The following DDX11 variants were observed in gnomAD, a reference collection of about 807,000 sequenced individuals.
DDX11 encodes the protein ATP-dependent DNA helicase DDX11.
Under a neutral mutation model 125.2 loss-of-function variants are expected in DDX11, and 72 were observed. That is an observed-to-expected ratio of 0.58 (90% CI 0.48 to 0.70). The LOEUF (loss-of-function observed/expected upper bound fraction) is 0.70, where lower values mean the gene tolerates loss of function less well. Ranked by LOEUF, DDX11 falls within the 30% of genes least tolerant of loss-of-function variation. The pLI, the probability that DDX11 is intolerant of heterozygous loss-of-function variation, is 0.00. For missense variants in DDX11, 883 were observed against 1,165.0 expected (o/e 0.76, Z 3.52); for synonymous variants, 347 against 452.6 (o/e 0.77, Z 2.96).
intron 2 of DDX11, among the ~76,000 whole-genome samples, chr12:31,081,367 C>T (rs944326420): frequency 1.3e-5 from 2 of 152,222 alleles, no homozygotes; most frequent in African/African-American, 4.8e-5. Flanking sequence ...CCTACCATGC[C>T]CTTCCCCGCC....
rs770950577 is a variant in DDX11 at position 31,091,808 on chromosome 12, CGAG to C, written c.1181_1183del (p.Glu394del). On this transcript the variant is annotated inframe_deletion, in exon 10 of 27. Transcript: ENST00000542838. ...TGCAGGACCAGGTGGTGATCATCGACGAGGCGCACAACCTGATCGACACCATCA... is the reference window on the plus strand; with the variant it reads ...TGCAGGACCAGGTGGTGATCATCGACGCGCACAACCTGATCGACACCATCA... The C allele has an allele frequency of 1.2e-6, 2 of 1,613,844 alleles. No individual in the cohort carries two copies. The highest frequency in any genetic ancestry group is 2.2e-5 in the South Asian group (2 of 91,072).
At position 31,084,567 on chromosome 12, in the gene DDX11, T is replaced by C. The variant is rs777453457; in HGVS notation, c.394-16T>C. ...GGGCTTCCTTGGTGATTTTCCTTCA[T>C]GTCTGCCTCCTGTAGGCGGAGCAGG... On this transcript the variant is annotated splice_polypyrimidine_tract_variant and intron_variant, in intron 3 of 26. Transcript: ENST00000542838. 3.6e-5 allele frequency: 57 copies of C among 1,588,302 alleles called. No individual in the cohort carries two copies. The highest frequency in any genetic ancestry group is 4.8e-5 in the Non-Finnish European group (56 of 1,165,076).
rs117560158 is a variant in DDX11, at chr12:31,084,213, G to A, written c.393+152G>A. ...CTCAGCTCCTTGGGTCTATGGTGCT[G>A]CCGCTGTGCTGTCTTTTTTGAGCTG... On this transcript the variant is annotated intron_variant, in intron 3 of 26. Transcript: ENST00000542838. 10,015 of 1,078,994 alleles carry A rather than the reference G, an allele frequency of 9.3e-3. 89 individuals carry two copies. The highest frequency in any genetic ancestry group is 0.011 in the Non-Finnish European group (7,791 of 720,182). 66.8% of individuals were successfully genotyped at this position (1,078,994 alleles called of 1,614,324 possible). A position where few individuals can be genotyped will look rare whatever the true frequency, so the allele number is the denominator to read the frequency against.
Position 31,089,037 on chromosome 12 carries a change from C to G in DDX11, c.685-7C>G, listed in dbSNP as rs372834009. On this transcript the variant is annotated splice_region_variant and splice_polypyrimidine_tract_variant and intron_variant, in intron 6 of 26. Transcript: ENST00000542838. ...CTCTTTGAAGCGCCTTTCTTTCTCT[C>G]TGCTAGATTTATTACTGTAGTCGGA... 6.2e-6 allele frequency: 10 copies of G among 1,613,190 alleles called. No individual in the cohort carries two copies. Among genetic ancestry groups the G allele is most frequent in the Non-Finnish European group, 8.5e-6 (10 of 1,179,294 alleles).
intron 6 of DDX11, among the ~76,000 whole-genome samples, chr12:31,088,354 T>G (rs1013333298): frequency 6.6e-6 from 1 of 152,068 alleles, no homozygotes; most frequent in African/African-American, 2.4e-5. Flanking sequence ...CCCCAGGGCA[T>G]CGAGGAACAG....
chr12:31,097,146 AGCAGT>A (rs1945396365), intron 17 of DDX11, among the ~76,000 whole-genome samples, 156 bp downstream of exon 17: 1 of 151,736 alleles, frequency 6.6e-6, no homozygotes, highest in African/African-American at 2.4e-5. Context: ...GACCTGGGCA[AGCAGT>A]GGAGGTGGAT....
In DDX11 at chr12:31,102,268, A is replaced by T. The variant is rs1946518474; in HGVS notation, c.2228A>T (p.His743Leu). 6.2e-7 allele frequency: 1 copy of T among 1,614,116 alleles called. No homozygotes were observed. The highest frequency in any genetic ancestry group is 8.5e-7 in the Non-Finnish European group (1 of 1,179,968). ...KKIFQEPKSA[H>L]QVEQVLLAYS... ...ATATTCCAGGAACCTAAGAGCGCACACCAGGTGGAGCAGGTGCTGCTGGCA... is the reference window on the plus strand; with the variant it reads ...ATATTCCAGGAACCTAAGAGCGCACTCCAGGTGGAGCAGGTGCTGCTGGCA... Residue 743 changes from histidine (H) to leucine (L), a missense_variant, in exon 22 of 27, where the codon CAC becomes CTC. This residue lies in a region of DDX11 where 285 missense variants were observed against 346.0 expected (regional missense o/e 0.82). Transcript: ENST00000542838.
chr12:31,102,612 C>G (rs1400438691), intron 23 of DDX11, 85 bp downstream of exon 23: 56 of 1,310,760 alleles, frequency 4.3e-5, no homozygotes, highest in Non-Finnish European at 5.9e-5. Context: ...CTGCTCTCTG[C>G]TGCCATTAGA....
In DDX11 at chr12:31,084,118, T is replaced by C. The variant is rs577576541; in HGVS notation, c.393+57T>C. On this transcript the variant is annotated intron_variant, in intron 3 of 26. Coordinates refer to ENST00000542838, the MANE Select transcript of DDX11 (RefSeq NM_030653.4). ...CTGGAGGAAACAGGGCTTCAGCGAT[T>C]GTTCTGGGGCGATTCCGAGACTCAG... 1.2e-4 allele frequency: 186 copies of C among 1,604,660 alleles called. 2 individuals carry two copies. The South Asian group carries it at 2.0e-3, about 17-fold the overall frequency.
chr12:31,080,275 C>T (rs929068771), intron 2 of DDX11, among the ~76,000 whole-genome samples: 3 of 151,536 alleles, frequency 2.0e-5, no homozygotes, highest in South Asian at 2.1e-4. Context: ...GCCGGTCTTC[C>T]GGGAGGTGGT....
At chr12:31,081,349 C>G (rs887358675) in intron 2 of DDX11, among the ~76,000 whole-genome samples, 10 of 152,192 alleles carry the variant, frequency 6.6e-5, no homozygotes, top group African/African-American at 1.9e-4. Flanking sequence ...TTTGTGTTAC[C>G]TGTTGTGCCT....
At chr12:31,075,799 G>A (rs545708517) in intron 1 of DDX11, among the ~76,000 whole-genome samples, 1 of 152,292 alleles carries the variant, frequency 6.6e-6, no homozygotes, top group African/African-American at 2.4e-5. Context: ...CTCTATTTAT[G>A]GAACGTATAT....
At chr12:31,090,655 G>C (rs1944047412) in intron 9 of DDX11, among the ~76,000 whole-genome samples, 1 of 152,256 alleles carries the variant, frequency 6.6e-6, no homozygotes, top group Admixed American at 6.5e-5. Flanking sequence ...GTATCTCACT[G>C]TTATTTGGTG....
rs148220883 is a variant in DDX11, at chr12:31,093,250, G to T, written c.1295G>T (p.Arg432Leu). ...LLQYVERYGKRLKAKNLMYLK... is the reference protein window; with the variant it reads ...LLQYVERYGKLLKAKNLMYLK... ...GTCCGTTGGCTTCTTCTCAGGAAGC[G>T]TTTGAAGGCCAAGAACCTGATGTAC... Residue 432 changes from arginine (R) to leucine (L), a missense_variant, in exon 12 of 27, where the codon CGT becomes CTT. Transcript: ENST00000542838. The T allele has an allele frequency of 6.2e-6, 10 of 1,612,514 alleles. No homozygotes were observed. In the African/African-American group the frequency reaches 1.3e-4, roughly 22 times the overall value.
At position 31,087,943 on chromosome 12, in the gene DDX11, A is replaced by G. The variant is rs1943455478; in HGVS notation, c.644A>G (p.Asp215Gly). 2 of 1,607,702 alleles carry G rather than the reference A, an allele frequency of 1.2e-6. No individual in the cohort carries two copies. Among genetic ancestry groups the G allele is most frequent in the Admixed American group, 1.7e-5 (1 of 58,624 alleles). ...GTTCTCTCTCACACACACAGAGTGG[A>G]TGAGGATGAGGATGACCTGGAGGAA... ...DEEKKVASRV[D>G]EDEDDLEEEH... is the part of the protein sequence containing the mutation. Residue 215 changes from aspartate (D) to glycine (G), a missense_variant, in exon 6 of 27, where the codon GAT becomes GGT. Physicochemically the swap from Asp to Gly is moderately conservative, Grantham distance 94 (BLOSUM62 -1). Coordinates refer to ENST00000542838, the MANE Select transcript of DDX11 (RefSeq NM_030653.4).
rs544699576 is a variant in DDX11, at chr12:31,089,235, C to T, written c.792+84C>T. On this transcript the variant is annotated intron_variant, in intron 7 of 26. Transcript: ENST00000542838. ...TCCTGCTCGTCCAGGCCTTGGGAGA[C>T]GCTGGGTCTGTGACAGGCTGAACCG... 90 of 1,414,134 alleles carry T rather than the reference C, an allele frequency of 6.4e-5. 1 individual carries two copies. Among genetic ancestry groups the T allele is most frequent in the South Asian group, 3.4e-4 (29 of 85,444 alleles). The allele number at this position is 1,414,134 out of a possible 1,614,324, so 87.6% of individuals were successfully genotyped here. A position where few individuals can be genotyped will look rare whatever the true frequency, so the allele number is the denominator to read the frequency against.
At chr12:31,103,483 T>C (rs139488871) in intron 25 of DDX11, 88 bp downstream of exon 25, 159,326 of 1,605,350 alleles carry the variant, frequency 0.099, 8,764 homozygotes, top group Non-Finnish European at 0.12. Context: ...CTGTTTCCTA[T>C]ATAAGTCTGA....
chr12:31,096,220 C>T (rs1202400535), intron 14 of DDX11, 121 bp from the exon 15 acceptor site: 1 of 1,277,922 alleles, frequency 7.8e-7, no homozygotes, highest in Non-Finnish European at 1.1e-6. Context: ...CTCCAGGTGC[C>T]TCAGAAGGTA....
intron 5 of DDX11, 47 bp downstream of exon 5, chr12:31,085,173 C>G: frequency 1.9e-6 from 3 of 1,543,564 alleles, no homozygotes; most frequent in Non-Finnish European, 2.6e-6. Context: ...CAGGGGACAC[C>G]CTTGAAGACA....
Sources: allele counts gnomAD v4.1 joint callset (sites outside exome capture counted in the v4.1 genomes callset), GRCh38; gene constraint gnomAD v4.1.1; regional missense constraint gnomAD v4.1.1; transcripts MANE v1.5; gene names NCBI Gene and HGNC (gene_info 2026-07-23, HGNC 2026-07-21).